PLEKHM3: variants seen among roughly 807,000 people sequenced by gnomAD.
PLEKHM3 encodes pleckstrin homology domain-containing family M member 3.
PLEKHM3 carries 45 observed loss-of-function variants against 81.8 expected under a neutral mutation model. The observed-to-expected ratio is 0.55, with a 90% CI of 0.43 to 0.71. The LOEUF (loss-of-function observed/expected upper bound fraction) is 0.71. Ranked by LOEUF, PLEKHM3 falls within the 30% of genes least tolerant of loss-of-function variation. The pLI is 0.00. For synonymous variants in PLEKHM3, 352 were observed against 356.4 expected (o/e 0.99, Z 0.14); for missense variants, 788 against 924.3 (o/e 0.85, Z 1.91).
At chr2:207,918,733 T>G (rs1457992221) in intron 5 of PLEKHM3, among the ~76,000 whole-genome samples, 1 of 152,204 alleles carries the variant, frequency 6.6e-6, no homozygotes, top group Non-Finnish European at 1.5e-5. Flanking sequence ...GGGCAGAATC[T>G]TCATTCATTT....
intron 6 of PLEKHM3, among the ~76,000 whole-genome samples, chr2:207,899,782 A>C (rs1394241362): frequency 6.6e-6 from 1 of 152,140 alleles, no homozygotes; most frequent in African/African-American, 2.4e-5. Context: ...TGGTAGTGAA[A>C]ATTTTCTTTA....
At chr2:207,917,665 G>T (rs574942459) in intron 5 of PLEKHM3, among the ~76,000 whole-genome samples, 13 of 152,170 alleles carry the variant, frequency 8.5e-5, no homozygotes, top group African/African-American at 2.9e-4. Context: ...AACATAGTGA[G>T]ACTCTGTCTC....
intron 1 of PLEKHM3, among the ~76,000 whole-genome samples, chr2:208,010,714 C>A (rs527881087): frequency 6.6e-6 from 1 of 152,128 alleles, no homozygotes; most frequent in African/African-American, 2.4e-5. Flanking sequence ...ATGCAAGATA[C>A]CCAGAAAGGG....
chr2:207,930,866 C>T, intron 5 of PLEKHM3, 60 bp downstream of exon 5: 1 of 1,575,928 alleles, frequency 6.3e-7, no homozygotes, highest in Non-Finnish European at 8.7e-7. Context: ...ATAATCTCAC[C>T]ACCCTCCGTG....
chr2:208,006,911 C>T (rs753776474), intron 1 of PLEKHM3, among the ~76,000 whole-genome samples: 1 of 152,180 alleles, frequency 6.6e-6, no homozygotes, highest in African/African-American at 2.4e-5. Flanking sequence ...ATCGCTATTT[C>T]CTAACTAAGA....
chr2:207,959,767 T>G (rs1327206571), intron 3 of PLEKHM3, among the ~76,000 whole-genome samples: 1 of 152,194 alleles, frequency 6.6e-6, no homozygotes, highest in Non-Finnish European at 1.5e-5. Flanking sequence ...AAAATTAAAG[T>G]CATAAGAGTG....
intron 4 of PLEKHM3, among the ~76,000 whole-genome samples, chr2:207,932,096 A>G (rs1411513352): frequency 2.6e-5 from 4 of 152,272 alleles, no homozygotes; most frequent in African/African-American, 7.2e-5. Flanking sequence ...ATACTGCTTC[A>G]GTGACCAGAA....
At chr2:207,966,346 T>C (rs1384147325) in intron 3 of PLEKHM3, among the ~76,000 whole-genome samples, 5 of 152,234 alleles carry the variant, frequency 3.3e-5, no homozygotes, top group Non-Finnish European at 5.9e-5. Context: ...TCAAGTTTTC[T>C]TAAATAAGAA....
intron 1 of PLEKHM3, among the ~76,000 whole-genome samples, chr2:208,016,714 A>G (rs778138374): frequency 2.0e-4 from 26 of 129,178 alleles, no homozygotes; most frequent in Non-Finnish European, 3.6e-4. Flanking sequence ...TCATATTACC[A>G]TACTACCATG....
intron 2 of PLEKHM3, among the ~76,000 whole-genome samples, chr2:207,978,613 C>T (rs1352072978): frequency 6.6e-6 from 1 of 152,114 alleles, no homozygotes; most frequent in East Asian, 1.9e-4. Context: ...AAGCTTGACT[C>T]GACTAGTTCA....
At chr2:207,952,202 T>C (rs1690350901) in intron 3 of PLEKHM3, among the ~76,000 whole-genome samples, 1 of 151,964 alleles carries the variant, frequency 6.6e-6, no homozygotes, top group Admixed American at 6.6e-5. Flanking sequence ...TCTGTAAAAA[T>C]AGAAAAAAAT....
chr2:207,937,677 A>G (rs542815092), intron 4 of PLEKHM3, among the ~76,000 whole-genome samples: 13 of 152,326 alleles, frequency 8.5e-5, no homozygotes, highest in African/African-American at 3.1e-4. Context: ...AAAGTAATAT[A>G]ATCCCATTAC....
intron 2 of PLEKHM3, among the ~76,000 whole-genome samples, chr2:207,979,525 A>G (rs1393350582): frequency 1.3e-5 from 2 of 151,378 alleles, no homozygotes; most frequent in African/African-American, 4.9e-5. Flanking sequence ...CAAGAGTGAA[A>G]CGCCGTCTCA....
chr2:207,821,387 G>A lies in PLEKHM3; in HGVS notation c.*6932C>T, dbSNP rs1405741318. The A allele has an allele frequency of 6.6e-6, 1 of 151,716 alleles. No individual in the cohort carries two copies. The highest frequency in any genetic ancestry group is 2.4e-5 in the African/African-American group (1 of 41,282). The allele number at this position is 151,716 out of a possible 1,614,324, so 9.4% of individuals were successfully genotyped here. A position where few individuals can be genotyped will look rare whatever the true frequency, so the allele number is the denominator to read the frequency against. ...TGACAGATGACCTTAAAAACTAGAG[G>A]TATTGTCAACAATACAACTTCAATT... On this transcript the variant is annotated 3_prime_UTR_variant, in exon 8 of 8. Transcript: ENST00000427836.
chr2:207,906,853 A>C (rs932401306), intron 6 of PLEKHM3, among the ~76,000 whole-genome samples: 3 of 152,226 alleles, frequency 2.0e-5, no homozygotes, highest in Non-Finnish European at 4.4e-5. Flanking sequence ...AAAAGTCTTA[A>C]GTTATTAAAC....
chr2:208,011,785 C>CTA (rs1468793013), intron 1 of PLEKHM3, among the ~76,000 whole-genome samples: 4 of 79,992 alleles, frequency 5.0e-5, no homozygotes, highest in Non-Finnish European at 9.2e-5. Flanking sequence ...CTCTGATAAA[C>CTA]TTTTTTTTTT....
chr2:207,927,083 A>G (rs972545672), intron 5 of PLEKHM3, among the ~76,000 whole-genome samples: 2 of 152,184 alleles, frequency 1.3e-5, no homozygotes, highest in African/African-American at 4.8e-5. Context: ...TTACGACTAG[A>G]TAAGAACTGG....
At chr2:207,834,065 A>G (rs1210797496) in intron 7 of PLEKHM3, among the ~76,000 whole-genome samples, 3 of 152,126 alleles carry the variant, frequency 2.0e-5, no homozygotes, top group South Asian at 4.1e-4. Flanking sequence ...TAAGAAGTCA[A>G]TATCAGTGAC....
At chr2:208,018,165 G>GA (rs1692990532) in intron 1 of PLEKHM3, among the ~76,000 whole-genome samples, 2 of 152,218 alleles carry the variant, frequency 1.3e-5, no homozygotes, top group South Asian at 4.1e-4. Context: ...ACAAGGTCAA[G>GA]AGATCGAGAC....
Sources: gnomAD v4.1 joint callset for allele counts (sites outside exome capture counted in the v4.1 genomes callset) on GRCh38, gnomAD v4.1.1 for gene constraint, MANE v1.5 for transcripts, NCBI Gene and HGNC (gene_info 2026-07-23, HGNC 2026-07-21) for gene names.